The following NBPF20 variants were observed in gnomAD, a reference collection of about 807,000 sequenced individuals.
The protein encoded by NBPF20 is NBPF family member NBPF20.
In NBPF20, 90 loss-of-function variants were observed where a neutral mutation model predicts 68.1. The observed-to-expected ratio is 1.32, with a 90% CI of 1.11 to 1.58. NBPF20 has a LOEUF of 1.58. NBPF20 is among the 40% of genes most tolerant of loss of function. The pLI is 0.00. For synonymous variants in NBPF20, 290 were observed against 228.1 expected (o/e 1.27, Z -2.45); for missense variants, 816 against 601.2 (o/e 1.36, Z -3.74).
intron 8 of NBPF20, among the ~76,000 whole-genome samples, chr1:145,394,246 A>G (rs1220617327): frequency 7.3e-5 from 11 of 151,702 alleles, no homozygotes; most frequent in Non-Finnish European, 1.6e-4. Context: ...AACACCTCAT[A>G]GGAGAGACAC....
chr1:145,400,138 T>G lies in NBPF20; in HGVS notation c.775+248A>C, dbSNP rs1662448926. On this transcript the variant is annotated intron_variant, in intron 6 of 137. Transcript: ENST00000369373. The stretch of plus-strand genomic sequence containing the variant: ...CGAAGCTAGTAGGCCTGACAGATAC[T>G]GCCTGTGCACCTCCTGCACTCAGGT... Among the ~76,000 whole-genome samples, 3 of 152,308 alleles carry G rather than the reference T, an allele frequency of 2.0e-5. 1 individual carries two copies. Among genetic ancestry groups the G allele is most frequent in the African/African-American group, 2.4e-5 (1 of 41,574 alleles).
At chr1:145,423,731 AC>A in the NBPF20 span, among the ~76,000 whole-genome samples, 1 of 151,176 alleles carries the variant, frequency 6.6e-6, no homozygotes, top group African/African-American at 2.4e-5. Context: ...ACATTACTGC[AC>A]CCCTACTAGA....
At chr1:145,421,220 TAA>T in the NBPF20 span, among the ~76,000 whole-genome samples, 1 of 152,138 alleles carries the variant, frequency 6.6e-6, no homozygotes, top group Non-Finnish European at 1.5e-5. Context: ...GTTAGGGAAT[TAA>T]GAGTGTGTGG....
At chr1:145,410,787 CATAT>C in the NBPF20 span, among the ~76,000 whole-genome samples, 2 of 115,008 alleles carry the variant, frequency 1.7e-5, no homozygotes, top group Non-Finnish European at 3.5e-5. Context: ...TATACACACA[CATAT>C]ATATACGTAT....
intron 9 of NBPF20, among the ~76,000 whole-genome samples, chr1:145,393,454 CACAA>C (rs1662025935): frequency 1.8e-5 from 2 of 113,696 alleles, no homozygotes; most frequent in African/African-American, 6.2e-5. Flanking sequence ...CACACACACA[CACAA>C]ACACACACAC....
At chr1:145,403,170 G>A (rs1304722466) in intron 3 of NBPF20, 46 bp downstream of exon 8, 1 of 1,610,786 alleles carries the variant, frequency 6.2e-7, no homozygotes, top group African/African-American at 1.3e-5. Flanking sequence ...GTATTTCAGA[G>A]ATTTACACAC....
chr1:145,410,446 C>G (rs1553668721), upstream of NBPF20, among the ~76,000 whole-genome samples: 1 of 149,884 alleles, frequency 6.7e-6, no homozygotes, highest in African/African-American at 2.4e-5. Flanking sequence ...TCCCAAGTAG[C>G]TAGGACTACA....
At chr1:145,411,415 A>G in the NBPF20 span, among the ~76,000 whole-genome samples, 1 of 111,100 alleles carries the variant, frequency 9.0e-6, no homozygotes, top group East Asian at 2.3e-4. Context: ...TTTTTGAGAC[A>G]GAGTCTTGCT....
intron 7 of NBPF20, among the ~76,000 whole-genome samples, chr1:145,397,974 A>T (rs1662341021): frequency 2.0e-5 from 3 of 152,224 alleles, no homozygotes; most frequent in African/African-American, 4.8e-5. Context: ...AACCAAGATC[A>T]AAAGAGACAA....
At chr1:145,394,445 C>G (rs1662114492) in intron 8 of NBPF20, among the ~76,000 whole-genome samples, 1 of 151,932 alleles carries the variant, frequency 6.6e-6, no homozygotes, top group African/African-American at 2.4e-5. Context: ...GAAAACATAC[C>G]AGGAACATGA....
intron 137 of NBPF20, among the ~76,000 whole-genome samples, chr1:145,292,091 C>G (rs1382577538): frequency 6.7e-6 from 1 of 149,466 alleles, no homozygotes; most frequent in African/African-American, 2.6e-5. Context: ...AAACTGTGAT[C>G]ATGAAAAGAG....
chr1:145,405,411 G>C lies in NBPF20; in HGVS notation c.-37C>G. ...CAGTAACTGAAATTCTTACCTTACTGTTGTGAAAAATGTGATCACTCCCCA... is the reference window on the plus strand; with the variant it reads ...CAGTAACTGAAATTCTTACCTTACTCTTGTGAAAAATGTGATCACTCCCCA... On this transcript the variant is annotated splice_region_variant and 5_prime_UTR_variant, in exon 1 of 138. Coordinates refer to ENST00000369373, the Ensembl canonical transcript of NBPF20. 3.8e-6 allele frequency: 6 copies of C among 1,568,826 alleles called. No individual in the cohort carries two copies. The South Asian group carries it at 6.8e-5, about 18-fold the overall frequency.
chr1:145,366,607 CAG>C (rs1296300955), intron 43 of NBPF20, among the ~76,000 whole-genome samples: 4 of 84,682 alleles, frequency 4.7e-5, no homozygotes, highest in Non-Finnish European at 7.0e-5. Flanking sequence ...CACACACACA[CAG>C]AGAGAACGAG....
the NBPF20 span, among the ~76,000 whole-genome samples, chr1:145,425,128 C>T: frequency 2.0e-5 from 3 of 152,118 alleles, no homozygotes; most frequent in Non-Finnish European, 2.9e-5. Flanking sequence ...CGAGTTTCTT[C>T]CCCAGCGCCC....
Position 145,311,878 on chromosome 1 carries a change from T to G in NBPF20, c.13660+330A>C, listed in dbSNP as rs1383426336. Among the ~76,000 whole-genome samples, 2 of 112,454 alleles carry G rather than the reference T, an allele frequency of 1.8e-5. 1 individual carries two copies. Among genetic ancestry groups the G allele is most frequent in the African/African-American group, 8.5e-5 (2 of 23,398 alleles). The allele number at this position is 112,454 out of a possible 152,430, so 73.8% of individuals were successfully genotyped here. On this transcript the variant is annotated intron_variant, in intron 112 of 137. Transcript: ENST00000369373. ...TAGCGAGGATTTTAGATGCTGAAAT[T>G]AGAGTGAAGGATGAAATCTACAAGA...
At chr1:145,419,849 G>A in the NBPF20 span, among the ~76,000 whole-genome samples, 48 of 151,544 alleles carry the variant, frequency 3.2e-4, no homozygotes, top group Non-Finnish European at 4.1e-4. Context: ...GAAAGAAGGC[G>A]TCCACCACAA....
At chr1:145,403,147 C>G in intron 3 of NBPF20, 69 bp downstream of exon 8, 1 of 1,589,198 alleles carries the variant, frequency 6.3e-7, no homozygotes, top group Non-Finnish European at 8.6e-7. Flanking sequence ...TTACGTCTCC[C>G]CACCGAGCTG....
At chr1:145,395,556 T>C (rs1424509418) in intron 7 of NBPF20, among the ~76,000 whole-genome samples, 8 of 149,260 alleles carry the variant, frequency 5.4e-5, no homozygotes, top group African/African-American at 1.5e-4. Flanking sequence ...ATTTTCCCAA[T>C]ATTTTGATAT....
At position 145,377,946 on chromosome 1, in the gene NBPF20, G is replaced by C. The variant is rs1223587219; in HGVS notation, c.3464+97C>G. Reference sequence around the variant, plus strand: ...TGTCAGGAGGAGTAATTCAACCTTCGTTGAAAACATGAAATTGAACACACT... The same window carrying C: ...TGTCAGGAGGAGTAATTCAACCTTCCTTGAAAACATGAAATTGAACACACT... On this transcript the variant is annotated intron_variant, in intron 29 of 137. Coordinates refer to ENST00000369373, the Ensembl canonical transcript of NBPF20. The C allele has an allele frequency of 1.5e-5, 6 of 405,478 alleles. 1 individual carries two copies. Among genetic ancestry groups the C allele is most frequent in the Non-Finnish European group, 2.1e-5 (5 of 234,956 alleles). 25.1% of individuals were successfully genotyped at this position (405,478 alleles called of 1,614,324 possible).
Sources: gnomAD v4.1 joint callset for allele counts (sites outside exome capture counted in the v4.1 genomes callset) on GRCh38, gnomAD v4.1.1 for gene constraint, MANE v1.5 for transcripts, NCBI Gene and HGNC (gene_info 2026-07-23, HGNC 2026-07-21) for gene names.